SP3: variants seen among roughly 807,000 people sequenced by gnomAD.
The protein encoded by SP3 is transcription factor Sp3.
In SP3, 10 loss-of-function variants were observed where a neutral mutation model predicts 70.3. The observed-to-expected ratio is 0.14, with a 90% CI of 0.09 to 0.24. The LOEUF is 0.24. Ranked by LOEUF, SP3 falls within the 10% of genes least tolerant of loss-of-function variation. The pLI, the probability that SP3 is intolerant of heterozygous loss-of-function variation, is 1.00. For missense variants in SP3, 825 were observed against 914.6 expected, an observed-to-expected ratio of 0.90 and a Z score of 1.26; for synonymous variants, 402 against 333.5, an observed-to-expected ratio of 1.21 and a Z score of -2.24.
chr2:173,952,669 T>A (rs544936373), intron 4 of SP3, among the ~76,000 whole-genome samples: 1 of 151,554 alleles, frequency 6.6e-6, no homozygotes, highest in East Asian at 1.9e-4. Context: ...TGTCCACCAG[T>A]AGATAAATAA....
chr2:173,922,669 A>G (rs1689789515), intron 4 of SP3, among the ~76,000 whole-genome samples: 1 of 152,098 alleles, frequency 6.6e-6, no homozygotes, highest in African/African-American at 2.4e-5. Context: ...AACCAAACTG[A>G]AGAAATCATT....
Position 173,907,944 on chromosome 2 carries a change from TACAG to T in SP3, c.*1993_*1996del, listed in dbSNP as rs915529755. 12 of 152,234 alleles carry T rather than the reference TACAG, an allele frequency of 7.9e-5. No individual in the cohort carries two copies. The highest frequency in any genetic ancestry group is 4.1e-4 in the South Asian group (2 of 4,828). The allele number at this position is 152,234 out of a possible 1,614,324, so 9.4% of individuals were successfully genotyped here. ...AGAGTTCTCCAATGCAATCAGGTAT[TACAG>T]ACAGAGTCAGACTGGGCCTGGAAAA... On this transcript the variant is annotated 3_prime_UTR_variant, in exon 7 of 7. Transcript: ENST00000310015.
chr2:173,925,251 T>C (rs749120597), intron 4 of SP3, among the ~76,000 whole-genome samples: 1 of 152,214 alleles, frequency 6.6e-6, no homozygotes, highest in African/African-American at 2.4e-5. Flanking sequence ...TATGTGTATG[T>C]AGCATGTGAA....
At chr2:173,954,848 T>C (rs375545896) in intron 4 of SP3, 25 bp downstream of exon 4, 4 of 1,596,876 alleles carry the variant, frequency 2.5e-6, no homozygotes, top group South Asian at 1.1e-5. Flanking sequence ...AACTTATTTA[T>C]GGCATGACAT....
chr2:173,940,987 T>C (rs1225696098), intron 4 of SP3, among the ~76,000 whole-genome samples: 1 of 152,154 alleles, frequency 6.6e-6, no homozygotes, highest in Non-Finnish European at 1.5e-5. Flanking sequence ...TTGCTTGTTT[T>C]CTTAAAACAT....
At position 173,908,787 on chromosome 2, in the gene SP3, A is replaced by G. The variant is rs1689394411; in HGVS notation, c.*1154T>C. ...TATAAACAATAATTAAAAAATAAAA[A>G]GAAAATACAGCATAATAAAAAACAT... On this transcript the variant is annotated 3_prime_UTR_variant, in exon 7 of 7. Transcript: ENST00000310015. 1 of 152,424 alleles carries G rather than the reference A, an allele frequency of 6.6e-6. No homozygotes were observed. Among genetic ancestry groups the G allele is most frequent in the African/African-American group, 2.4e-5 (1 of 41,454 alleles). The allele number at this position is 152,424 out of a possible 1,614,324, so 9.4% of individuals were successfully genotyped here.
chr2:173,940,765 C>A (rs960571995), intron 4 of SP3, among the ~76,000 whole-genome samples: 1 of 152,158 alleles, frequency 6.6e-6, no homozygotes, highest in Non-Finnish European at 1.5e-5. Context: ...CACTTCATAC[C>A]TTCTTCCTTC....
intron 4 of SP3, among the ~76,000 whole-genome samples, 194 bp downstream of exon 4, chr2:173,954,679 T>G (rs1451731275): frequency 6.6e-6 from 1 of 152,188 alleles, no homozygotes; most frequent in African/African-American, 2.4e-5. Context: ...AATCCCTAAC[T>G]TCAAAAACTA....
chr2:173,934,974 G>C (rs376365759), intron 4 of SP3, among the ~76,000 whole-genome samples: 8 of 152,166 alleles, frequency 5.3e-5, no homozygotes, highest in Non-Finnish European at 2.9e-5. Flanking sequence ...GCATCACAAA[G>C]AAGGTCTTAT....
Position 173,956,085 on chromosome 2 carries a change from G to A in SP3, c.427C>T (p.Leu143Phe). The A allele has an allele frequency of 7.4e-6, 12 of 1,614,094 alleles. No individual in the cohort carries two copies. The highest frequency in any genetic ancestry group is 1.3e-5 in the African/African-American group (1 of 75,030). ...ATSSGQYVLP[L>F]QNLQNQQIFS... ...ATTTGTTGATTCTGCAAATTCTGAA[G>A]GGGAAGAACATACTGCCCACTTGAA... Residue 143 changes from leucine to phenylalanine, a missense_variant, in exon 4 of 7, where the codon CTT becomes TTT. Leu to Phe is a conservative substitution (Grantham distance 22, BLOSUM62 0). Coordinates refer to ENST00000310015, the MANE Select transcript of SP3 (RefSeq NM_003111.5).
rs540539762 is a variant in SP3 at position 173,901,119 on chromosome 2, A to G, written c.*8822T>C. Among the ~76,000 whole-genome samples the G allele has an allele frequency of 4.5e-4, 69 of 152,330 alleles. No homozygotes were observed. Among genetic ancestry groups the G allele is most frequent in the African/African-American group, 1.6e-3 (65 of 41,572 alleles). ...ACGTTGGACCATTCAATAAACTGCT[A>G]AGACAACTGATTATCCATATGGAAA... On this transcript the variant is annotated 3_prime_UTR_variant, in exon 7 of 7. Transcript: ENST00000310015.
chr2:173,949,698 T>C (rs1194946124), intron 4 of SP3, among the ~76,000 whole-genome samples: 1 of 151,472 alleles, frequency 6.6e-6, no homozygotes, highest in Non-Finnish European at 1.5e-5. Flanking sequence ...AAGGCTTCTA[T>C]TTTCTCAAAA....
intron 6 of SP3, among the ~76,000 whole-genome samples, chr2:173,910,706 G>A (rs750601864): frequency 1.3e-5 from 2 of 151,974 alleles, no homozygotes. Flanking sequence ...AAAGCAACAG[G>A]GTACTTCTAG....
chr2:173,964,972 G>A (rs1558910644), intron 1 of SP3, 193 bp downstream of exon 1: 1 of 678,944 alleles, frequency 1.5e-6, no homozygotes, highest in Non-Finnish European at 2.3e-6. Flanking sequence ...AGACGGCGTT[G>A]CTGGGGCTTC....
At chr2:173,923,747 T>G (rs1283113379) in intron 4 of SP3, among the ~76,000 whole-genome samples, 2 of 150,332 alleles carry the variant, frequency 1.3e-5, no homozygotes, top group Admixed American at 6.6e-5. Flanking sequence ...GTAATTTGAT[T>G]CTAAATCAAA....
intron 3 of SP3, among the ~76,000 whole-genome samples, chr2:173,958,152 T>C (rs1690952797): frequency 6.6e-6 from 1 of 152,116 alleles, no homozygotes. Context: ...AATTTACAGG[T>C]ATTGAACTTT....
chr2:173,927,416 A>G (rs1013784366), intron 4 of SP3, among the ~76,000 whole-genome samples: 5 of 151,856 alleles, frequency 3.3e-5, no homozygotes, highest in Non-Finnish European at 7.4e-5. Context: ...AGCTGGGACT[A>G]CAAGTGTCCG....
Position 173,903,003 on chromosome 2 carries a change from T to G in SP3, c.*6938A>C, listed in dbSNP as rs906713739. On this transcript the variant is annotated 3_prime_UTR_variant, in exon 7 of 7. Coordinates refer to ENST00000310015, the MANE Select transcript of SP3 (RefSeq NM_003111.5). ...GTATTTGTTACATTGTTTTCTGCAT[T>G]TTTCTGTATTCTTGAAATGTTTCAT... 6.6e-6 allele frequency among the ~76,000 whole-genome samples: 1 copy of G among 152,202 alleles called. No individual in the cohort carries two copies. The highest frequency in any genetic ancestry group is 2.4e-5 in the African/African-American group (1 of 41,460).
In SP3 at chr2:173,957,642, A is replaced by G. The variant is rs1282873565; in HGVS notation, c.280-1410T>C. On this transcript the variant is annotated intron_variant, in intron 3 of 6. Transcript: ENST00000310015. ...TGTAAATGGCTTCACAGATCCCACT[A>G]AATTGTTTAGACTTTATCCTGTAGA... 5.9e-5 allele frequency among the ~76,000 whole-genome samples: 9 copies of G among 152,254 alleles called. No individual in the cohort carries two copies. In the East Asian group the frequency reaches 1.2e-3, roughly 20 times the overall value.
Sources: gnomAD v4.1 joint callset for allele counts (sites outside exome capture counted in the v4.1 genomes callset) on GRCh38, gnomAD v4.1.1 for gene constraint, MANE v1.5 for transcripts, NCBI Gene and HGNC (gene_info 2026-07-23, HGNC 2026-07-21) for gene names.